SAFB2: variants seen among roughly 807,000 people sequenced by gnomAD.
SAFB2 encodes scaffold attachment factor B2.
A neutral mutation model predicts 100.6 loss-of-function variants in SAFB2; 32 were observed. That is an observed-to-expected ratio of 0.32 (90% CI 0.24 to 0.43). The LOEUF is 0.43. Ranked by LOEUF, SAFB2 falls within the 20% of genes least tolerant of loss-of-function variation. The pLI is 1.00. For missense variants in SAFB2, 1,185 were observed against 1,163.4 expected (o/e 1.02, Z -0.27); for synonymous variants, 500 against 439.4 (o/e 1.14, Z -1.72).
chr19:5,617,573 C>T (rs1384914611), intron 2 of SAFB2, among the ~76,000 whole-genome samples: 1 of 152,168 alleles, frequency 6.6e-6, no homozygotes. Context: ...CAAATTACAG[C>T]ATATTTTCAT....
chr19:5,620,141 T>A (rs1402778049), intron 2 of SAFB2, among the ~76,000 whole-genome samples: 1 of 152,210 alleles, frequency 6.6e-6, no homozygotes, highest in African/African-American at 2.4e-5. Flanking sequence ...CAAAAACGCA[T>A]CCATGTGTCA....
At chr19:5,611,828 C>G (rs1192140428) in intron 6 of SAFB2, 198 bp from the exon 7 acceptor site, 2 of 690,006 alleles carry the variant, frequency 2.9e-6, no homozygotes, top group Admixed American at 4.8e-5. Flanking sequence ...TAAGCCTCTA[C>G]GCTACACGGA....
rs772711620 is a variant in SAFB2, at chr19:5,604,936, C to T, written c.1297G>A (p.Val433Ile). Reference sequence around the variant, plus strand: ...TTCGTTACCACTTTGGCCCCGACAACCTTCATGAAAAAGGGCACTCTTACT... The same window carrying T: ...TTCGTTACCACTTTGGCCCCGACAATCTTCATGAAAAAGGGCACTCTTACT... ...LKNLFSKYGK[V>I]VGAKVVTNAR... is the part of the protein sequence containing the mutation. The change falls in exon 10 of 21, where the codon GTT becomes ATT. Residue 433 changes from valine to isoleucine, a missense_variant and splice_region_variant. Physicochemically the swap from Val to Ile is conservative, Grantham distance 29. Coordinates refer to ENST00000252542, the MANE Select transcript of SAFB2 (RefSeq NM_014649.3). 1 of 1,611,846 alleles carries T rather than the reference C, an allele frequency of 6.2e-7. No homozygotes were observed. Among genetic ancestry groups the T allele is most frequent in the South Asian group, 1.1e-5 (1 of 90,932 alleles).
chr19:5,604,870 T>C lies in SAFB2; in HGVS notation c.1363A>G (p.Met455Val). The part of the protein sequence containing the change: ...PGARCYGFVT[M>V]STSDEATKCI... ...TTGGTCGCCTCGTCAGATGTCGACATGGTGACGAATCCATAGCATCGAGCC... is the reference window on the plus strand; with the variant it reads ...TTGGTCGCCTCGTCAGATGTCGACACGGTGACGAATCCATAGCATCGAGCC... Residue 455 changes from methionine (M) to valine (V), a missense_variant, in exon 10 of 21, where the codon ATG (methionine) becomes GTG (valine). By Grantham distance (21) the Met-to-Val change is conservative. Coordinates refer to ENST00000252542, the MANE Select transcript of SAFB2 (RefSeq NM_014649.3). 3 of 1,614,138 alleles carry C rather than the reference T, an allele frequency of 1.9e-6. No homozygotes were observed. Among genetic ancestry groups the C allele is most frequent in the South Asian group, 1.1e-5 (1 of 91,086 alleles).
intron 2 of SAFB2, among the ~76,000 whole-genome samples, chr19:5,617,620 A>T (rs1241618215): frequency 6.6e-6 from 1 of 152,160 alleles, no homozygotes; most frequent in Non-Finnish European, 1.5e-5. Context: ...ATGGCTGGCA[A>T]TGTCTGGAGA....
chr19:5,614,490 A>G (rs950874560), intron 4 of SAFB2, among the ~76,000 whole-genome samples: 5 of 152,348 alleles, frequency 3.3e-5, no homozygotes, highest in African/African-American at 9.6e-5. Context: ...ATAAGCACAC[A>G]GCAGTACCAG....
At chr19:5,593,747 C>CG (rs146466197) in intron 15 of SAFB2, 144 bp downstream of exon 15, 25 of 862,118 alleles carry the variant, frequency 2.9e-5, no homozygotes, top group African/African-American at 1.3e-4. Flanking sequence ...GTGAGATCGG[C>CG]GGGGGGTCCC....
chr19:5,604,592 T>G lies in SAFB2; in HGVS notation c.1550A>C (p.Lys517Thr). 1 of 1,613,490 alleles carries G rather than the reference T, an allele frequency of 6.2e-7. No individual in the cohort carries two copies. The highest frequency in any genetic ancestry group is 8.5e-7 in the Non-Finnish European group (1 of 1,179,490). The change falls in exon 11 of 21, where the codon AAA (lysine) becomes ACA (threonine). Residue 517 changes from lysine (K) to threonine (T), a missense_variant. Physicochemically the swap from Lys to Thr is moderately conservative, Grantham distance 78. Coordinates refer to ENST00000252542, the MANE Select transcript of SAFB2 (RefSeq NM_014649.3). ...SVDRHHSVEI[K>T]IEKTVIKKEE... ...TGAAAATTCACTTTACTTTTCAATTTTGATCTCCACAGAATGATGTCTGTC... is the reference window on the plus strand; with the variant it reads ...TGAAAATTCACTTTACTTTTCAATTGTGATCTCCACAGAATGATGTCTGTC...
chr19:5,588,347 G>A (rs2052310612), intron 18 of SAFB2, among the ~76,000 whole-genome samples: 1 of 152,186 alleles, frequency 6.6e-6, no homozygotes, highest in African/African-American at 2.4e-5. Flanking sequence ...AAGTTTGGTG[G>A]TTCTTCAAAA....
At chr19:5,596,793 G>A (rs559669802) in intron 13 of SAFB2, among the ~76,000 whole-genome samples, 31 of 152,160 alleles carry the variant, frequency 2.0e-4, no homozygotes, top group Admixed American at 5.2e-4. Flanking sequence ...GAGGCCTCCT[G>A]CTGATCCACA....
rs1018557097 is a variant in SAFB2 at position 5,622,776 on chromosome 19, T to C, written c.-61A>G. 1 of 1,523,946 alleles carries C rather than the reference T, an allele frequency of 6.6e-7. No homozygotes were observed. Among genetic ancestry groups the C allele is most frequent in the Non-Finnish European group, 8.8e-7 (1 of 1,137,426 alleles). The allele number at this position is 1,523,946 out of a possible 1,614,324, so 94.4% of individuals were successfully genotyped here. ...ACACCGCCGGCAGCTATAGCGGCTC[T>C]GAACACAAAATGGCGCCGCCTAAGA... is the stretch of plus-strand genomic sequence containing the variant. On this transcript the variant is annotated 5_prime_UTR_variant, in exon 1 of 21. Coordinates refer to ENST00000252542, the MANE Select transcript of SAFB2 (RefSeq NM_014649.3).
chr19:5,620,386 C>T (rs1288588260), intron 2 of SAFB2, among the ~76,000 whole-genome samples: 1 of 152,198 alleles, frequency 6.6e-6, no homozygotes, highest in Non-Finnish European at 1.5e-5. Context: ...CACAGGAAAC[C>T]TAAATTATAT....
intron 14 of SAFB2, 138 bp from the exon 15 acceptor site, chr19:5,594,316 G>A (rs1474054184): frequency 3.9e-6 from 4 of 1,033,684 alleles, no homozygotes; most frequent in Non-Finnish European, 2.7e-6. Context: ...CTAAAGCTGC[G>A]CGTGCAGGGG....
intron 9 of SAFB2, among the ~76,000 whole-genome samples, chr19:5,606,358 GC>G (rs1159414020): frequency 6.6e-6 from 1 of 152,226 alleles, no homozygotes; most frequent in African/African-American, 2.4e-5. Flanking sequence ...GGGCACAGTG[GC>G]TCATGCCTGT....
chr19:5,606,107 T>C (rs542962769), intron 9 of SAFB2, among the ~76,000 whole-genome samples: 35 of 152,254 alleles, frequency 2.3e-4, no homozygotes, highest in Non-Finnish European at 3.7e-4. Context: ...CTCTTCCCAA[T>C]AGCCAGGGTG....
chr19:5,613,238 G>A (rs749101675), intron 5 of SAFB2, among the ~76,000 whole-genome samples: 6 of 152,160 alleles, frequency 3.9e-5, no homozygotes, highest in Non-Finnish European at 7.3e-5. Flanking sequence ...CACCAGAACT[G>A]CTCCCTCATC....
intron 9 of SAFB2, among the ~76,000 whole-genome samples, chr19:5,607,065 T>C (rs1043477216): frequency 6.6e-6 from 1 of 152,038 alleles, no homozygotes; most frequent in Admixed American, 6.6e-5. Flanking sequence ...ATCAAGACCA[T>C]CCTGACTAAC....
At position 5,600,121 on chromosome 19, in the gene SAFB2, TCTC is replaced by T. The variant is rs2052623216; in HGVS notation, c.1690+6_1690+8del. The T allele has an allele frequency of 6.2e-7, 1 of 1,606,734 alleles. No individual in the cohort carries two copies. Among genetic ancestry groups the T allele is most frequent in the African/African-American group, 1.3e-5 (1 of 74,318 alleles). ...TCCCCTTCCACAGCTCTTAAAAGGC[TCTC>T]CTCACCTGATTTGGTGACTCTAGAC... On this transcript the variant is annotated splice_donor_region_variant and intron_variant, in intron 12 of 20. Coordinates refer to ENST00000252542, the MANE Select transcript of SAFB2 (RefSeq NM_014649.3).
At chr19:5,595,556 G>A (rs2052518868) in intron 13 of SAFB2, 59 bp from the exon 14 acceptor site, 7 of 1,592,912 alleles carry the variant, frequency 4.4e-6, no homozygotes, top group Middle Eastern at 3.3e-4. Flanking sequence ...ACAAACAATG[G>A]AGATTATGCA....
Sources: gnomAD v4.1 joint callset for allele counts (sites outside exome capture counted in the v4.1 genomes callset) on GRCh38, gnomAD v4.1.1 for gene constraint, MANE v1.5 for transcripts, NCBI Gene and HGNC (gene_info 2026-07-23, HGNC 2026-07-21) for gene names.